Variants in C1orf94 observed in about 807,000 individuals in gnomAD.
C1orf94 encodes the protein chromosome 1 open reading frame 94.
C1orf94 carries 45 observed loss-of-function variants against 53.6 expected under a neutral mutation model. The observed-to-expected ratio is 0.84, with a 90% CI of 0.66 to 1.08. The LOEUF (loss-of-function observed/expected upper bound fraction) is 1.08, where lower values mean the gene tolerates loss of function less well. Ranked by LOEUF, C1orf94 falls within the 50% of genes least tolerant of loss-of-function variation. C1orf94 has a pLI of 0.00. For synonymous variants in C1orf94, 304 were observed against 296.1 expected (o/e 1.03, Z -0.27); for missense variants, 762 against 738.9 (o/e 1.03, Z -0.36).
At chr1:34,208,043 G>T (rs1379496738) in intron 4 of C1orf94, 114 bp from the exon 5 acceptor site, 2 of 1,025,060 alleles carry the variant, frequency 2.0e-6, no homozygotes, top group East Asian at 5.2e-5. Context: ...CCATGGGTCT[G>T]GTCAGCAATG....
chr1:34,171,528 G>A (rs996453509), intron 1 of C1orf94, among the ~76,000 whole-genome samples: 4 of 152,160 alleles, frequency 2.6e-5, no homozygotes, highest in Non-Finnish European at 5.9e-5. Flanking sequence ...GGACCCAAAG[G>A]TATCTCTTCT....
At position 34,177,577 on chromosome 1, in the gene C1orf94, C is replaced by A. The variant is rs1642248484; in HGVS notation, c.-213C>A. The A allele has an allele frequency of 1.9e-6, 1 of 529,210 alleles. No homozygotes were observed. Among genetic ancestry groups the A allele is most frequent in the African/African-American group, 1.9e-5 (1 of 53,216 alleles). The allele number at this position is 529,210 out of a possible 1,614,324, so 32.8% of individuals were successfully genotyped here. A position where few individuals can be genotyped will look rare whatever the true frequency, so the allele number is the denominator to read the frequency against. On this transcript the variant is annotated 5_prime_UTR_variant, in exon 1 of 7. Transcript: ENST00000488417. The stretch of plus-strand genomic sequence containing the variant: ...GTTTTTGTTGACTTTTAAATATTTT[C>A]TTCTAAGGGAGAGGGGGAGGGAGGC...
In C1orf94 at chr1:34,216,714, T is replaced by C. The variant is rs186512223; in HGVS notation, c.1722-1972T>C. 5.3e-4 allele frequency among the ~76,000 whole-genome samples: 81 copies of C among 152,318 alleles called. 2 individuals carry two copies. The Middle Eastern group carries it at 0.031, about 58-fold the overall frequency. On this transcript the variant is annotated intron_variant, in intron 6 of 6. Transcript: ENST00000488417. Reference sequence around the variant, plus strand: ...TGCCAAGTCAATTTGCACACATTCATCATGGTGGAATAACCATACAATTTA... The same window carrying C: ...TGCCAAGTCAATTTGCACACATTCACCATGGTGGAATAACCATACAATTTA...
chr1:34,218,818 T>C lies in C1orf94; in HGVS notation c.*57T>C. On this transcript the variant is annotated 3_prime_UTR_variant, in exon 7 of 7. Transcript: ENST00000488417. ...CTTGGATCAGGACTAGGGGCTCTGA[T>C]TTTTGGATTCTGCAAAAGCTTGGTA... The C allele has an allele frequency of 6.9e-7, 1 of 1,456,950 alleles. No homozygotes were observed. Among genetic ancestry groups the C allele is most frequent in the Admixed American group, 2.0e-5 (1 of 50,538 alleles). 90.3% of individuals were successfully genotyped at this position (1,456,950 alleles called of 1,614,324 possible). A position where few individuals can be genotyped will look rare whatever the true frequency, so the allele number is the denominator to read the frequency against.
At chr1:34,175,302 T>G (rs1475133244), upstream of C1orf94, among the ~76,000 whole-genome samples, 1 of 151,318 alleles carries the variant, frequency 6.6e-6, no homozygotes, top group African/African-American at 2.4e-5. Context: ...ACTTCCAGAA[T>G]CCTGGGGCCT....
intron 2 of C1orf94, among the ~76,000 whole-genome samples, chr1:34,199,811 C>T (rs1296032764): frequency 1.3e-5 from 2 of 151,440 alleles, no homozygotes; most frequent in African/African-American, 4.8e-5. Context: ...TATCCAGTGA[C>T]TCACAATGTC....
In C1orf94 at chr1:34,197,180, G is replaced by C; in HGVS notation, c.321-45G>C. 1 of 1,457,500 alleles carries C rather than the reference G, an allele frequency of 6.9e-7. No individual in the cohort carries two copies. The highest frequency in any genetic ancestry group is 9.1e-7 in the Non-Finnish European group (1 of 1,096,994). The allele number at this position is 1,457,500 out of a possible 1,614,324, so 90.3% of individuals were successfully genotyped here. ...ATGTCCTTCTGCAAAGCCACGCCTT[G>C]GTGAGCTGGCACTAACACCGTCTGT... On this transcript the variant is annotated intron_variant, in intron 1 of 6. Transcript: ENST00000488417. The surrounding 1 kb of genome is among the most constrained non-coding windows in gnomAD (Gnocchi z 4.1).
chr1:34,198,274 G>A (rs1260445289), intron 2 of C1orf94, among the ~76,000 whole-genome samples: 1 of 152,242 alleles, frequency 6.6e-6, no homozygotes, highest in Non-Finnish European at 1.5e-5. Context: ...ACTACAGCAT[G>A]GAGATGCCAA....
In C1orf94 at chr1:34,211,461, C is replaced by A. The variant is rs146637918; in HGVS notation, c.1525-749C>A. Among the ~76,000 whole-genome samples, 1,100 of 152,280 alleles carry A rather than the reference C, an allele frequency of 7.2e-3. 5 individuals are homozygous for A. The highest frequency in any genetic ancestry group is 0.011 in the Admixed American group (168 of 15,296). ...AGTTCATCACGGGCAATCTCGGAAGCACCACTGAATTCCTGTATTTCCCTA... is the reference window on the plus strand; with the variant it reads ...AGTTCATCACGGGCAATCTCGGAAGAACCACTGAATTCCTGTATTTCCCTA... On this transcript the variant is annotated intron_variant, in intron 5 of 6. Coordinates refer to ENST00000488417, the MANE Select transcript of C1orf94 (RefSeq NM_001134734.2).
In C1orf94 at chr1:34,196,146, C is replaced by T. The variant is rs150664361; in HGVS notation, c.321-1079C>T. ...TGGTTCTAGGCTGGTGGCTCTTGTCCTCCTGGGTGCCTGCTTGCCAAGAGT... is the reference window on the plus strand; with the variant it reads ...TGGTTCTAGGCTGGTGGCTCTTGTCTTCCTGGGTGCCTGCTTGCCAAGAGT... On this transcript the variant is annotated intron_variant, in intron 1 of 6. Coordinates refer to ENST00000488417, the MANE Select transcript of C1orf94 (RefSeq NM_001134734.2). Among the ~76,000 whole-genome samples the T allele has an allele frequency of 3.6e-3, 542 of 152,292 alleles. 3 individuals carry two copies. Among genetic ancestry groups the T allele is most frequent in the South Asian group, 0.027 (131 of 4,828 alleles).
In C1orf94 at chr1:34,194,697, G is replaced by C. The variant is rs899379; in HGVS notation, c.321-2528G>C. Among the ~76,000 whole-genome samples the C allele has an allele frequency of 8.6e-5, 13 of 152,004 alleles. No individual in the cohort carries two copies. The East Asian group carries it at 2.5e-3, about 29-fold the overall frequency. On this transcript the variant is annotated intron_variant, in intron 1 of 6. Transcript: ENST00000488417. ...TGGATTAATTTTAAAGGCATTCCCC[G>C]GCATAATTTTCTCTGTAAATAGTAT...
At chr1:34,173,640 C>G (rs78969747), upstream of C1orf94, among the ~76,000 whole-genome samples, 2 of 152,316 alleles carry the variant, frequency 1.3e-5, no homozygotes, top group East Asian at 3.9e-4. Flanking sequence ...AAGCACTTTA[C>G]ATGTATTATT....
intron 5 of C1orf94, among the ~76,000 whole-genome samples, chr1:34,209,554 C>T (rs1642857076): frequency 6.6e-6 from 1 of 152,202 alleles, no homozygotes. Flanking sequence ...CACCCCCACA[C>T]TCCAACTCAT....
chr1:34,196,801 G>A (rs563902927), intron 1 of C1orf94, among the ~76,000 whole-genome samples: 1 of 152,324 alleles, frequency 6.6e-6, no homozygotes, highest in East Asian at 1.9e-4. Flanking sequence ...CTCAGCCCCA[G>A]CACCCTAGAC....
intron 1 of C1orf94, among the ~76,000 whole-genome samples, chr1:34,167,901 A>G (rs1364444331): frequency 1.3e-5 from 2 of 152,168 alleles, no homozygotes; most frequent in Non-Finnish European, 2.9e-5. Flanking sequence ...ATGAAGATTC[A>G]TTTACTCAAC....
At chr1:34,194,535 A>G (rs998290982) in intron 1 of C1orf94, among the ~76,000 whole-genome samples, 2 of 152,222 alleles carry the variant, frequency 1.3e-5, no homozygotes, top group Non-Finnish European at 2.9e-5. Flanking sequence ...AAAATAAAGC[A>G]GAAAGCAAAT....
intron 2 of C1orf94, among the ~76,000 whole-genome samples, chr1:34,198,362 G>A (rs557590246): frequency 3.9e-4 from 60 of 152,320 alleles, no homozygotes; most frequent in African/African-American, 1.4e-3. Flanking sequence ...AGGACATGAG[G>A]CCTGGTCCTC....
In C1orf94 at chr1:34,210,811, C is replaced by T. The variant is rs571575281; in HGVS notation, c.1525-1399C>T. On this transcript the variant is annotated intron_variant, in intron 5 of 6. Transcript: ENST00000488417. ...CTGGGACTACAGGCATGTACCACCA[C>T]GCCTGACTAATTGTTGTATTTTTGG... is the stretch of plus-strand genomic sequence containing the variant. Among the ~76,000 whole-genome samples the T allele has an allele frequency of 3.3e-5, 5 of 152,204 alleles. No individual in the cohort carries two copies. The South Asian group carries it at 8.3e-4, about 25-fold the overall frequency.
chr1:34,168,322 C>T (rs937919192), intron 1 of C1orf94, among the ~76,000 whole-genome samples: 3 of 151,862 alleles, frequency 2.0e-5, no homozygotes, highest in African/African-American at 7.3e-5. Context: ...TAGAATTAAG[C>T]AAGGCAGCCA....
Sources: allele counts gnomAD v4.1 joint callset (sites outside exome capture counted in the v4.1 genomes callset), GRCh38; gene constraint gnomAD v4.1.1; non-coding constraint Gnocchi (gnomAD v3.1); transcripts MANE v1.5; gene names NCBI Gene and HGNC (gene_info 2026-07-23, HGNC 2026-07-21).